STK39: variants seen among roughly 807,000 people sequenced by gnomAD.
STK39 encodes serine/threonine kinase 39, also known as STE20/SPS1-related proline-alanine-rich protein kinase.
In STK39, 20 loss-of-function variants were observed where a neutral mutation model predicts 77.8. The observed-to-expected ratio is 0.26, with a 90% CI of 0.18 to 0.37. STK39 has a LOEUF of 0.37. Among genes scored for constraint, STK39 ranks in the 10% least tolerant of loss-of-function variants. The pLI is 1.00. For synonymous variants in STK39, 246 were observed against 234.1 expected, an observed-to-expected ratio of 1.05 and a Z score of -0.47; for missense variants, 479 against 656.5, an observed-to-expected ratio of 0.73 and a Z score of 2.95.
At chr2:168,233,300 A>C (rs934342430) in intron 1 of STK39, among the ~76,000 whole-genome samples, 3 of 152,232 alleles carry the variant, frequency 2.0e-5, no homozygotes, top group Admixed American at 6.5e-5. Flanking sequence ...GGGCATATAC[A>C]AGGAAAAATT....
At chr2:167,999,501 G>GCCCA (rs1683937168) in intron 16 of STK39, among the ~76,000 whole-genome samples, 1 of 151,954 alleles carries the variant, frequency 6.6e-6, no homozygotes, top group Admixed American at 6.6e-5. Flanking sequence ...TCACTCTGTG[G>GCCCA]CCCAGGCTGG....
intron 14 of STK39, among the ~76,000 whole-genome samples, chr2:168,024,219 C>T (rs376895950): frequency 5.3e-5 from 8 of 152,186 alleles, no homozygotes; most frequent in Admixed American, 1.3e-4. Context: ...CTGCTTCACA[C>T]GAGGAGGCCG....
chr2:168,137,961 A>G, intron 8 of STK39, 127 bp downstream of exon 8: 2 of 1,308,162 alleles, frequency 1.5e-6, no homozygotes, highest in Non-Finnish European at 1.0e-6. Flanking sequence ...AAATCTGGGG[A>G]CCACAGCAGG....
Position 168,061,614 on chromosome 2 carries a change from T to C in STK39, c.1376+1886A>G, listed in dbSNP as rs146204674. On this transcript the variant is annotated intron_variant, in intron 14 of 17. Transcript: ENST00000355999. ...GCCACAAGCTTATGAAAACAACCTATACCCACAAGAGAAAATATAACAAAG... is the reference window on the plus strand; with the variant it reads ...GCCACAAGCTTATGAAAACAACCTACACCCACAAGAGAAAATATAACAAAG... Among the ~76,000 whole-genome samples, 168 of 152,236 alleles carry C rather than the reference T, an allele frequency of 1.1e-3. 1 individual carries two copies. The highest frequency in any genetic ancestry group is 3.9e-3 in the African/African-American group (162 of 41,552).
chr2:167,978,840 T>C (rs138965502), intron 16 of STK39, among the ~76,000 whole-genome samples: 10 of 152,316 alleles, frequency 6.6e-5, no homozygotes, highest in African/African-American at 2.4e-4. Flanking sequence ...GTTTACATTT[T>C]CTAAATGCTA....
intron 17 of STK39, among the ~76,000 whole-genome samples, chr2:167,956,696 A>ACACACACT (rs776309488): frequency 2.4e-4 from 12 of 49,006 alleles, no homozygotes; most frequent in Non-Finnish European, 4.4e-4. Context: ...ACACACACAC[A>ACACACACT]CTCTCTCTCT....
intron 1 of STK39, among the ~76,000 whole-genome samples, chr2:168,228,463 T>G (rs1390037493): frequency 2.6e-5 from 4 of 152,184 alleles, no homozygotes; most frequent in Non-Finnish European, 5.9e-5. Context: ...TTTTCTACAA[T>G]GACCTTATAT....
chr2:167,974,734 G>A (rs1207321117), intron 16 of STK39, among the ~76,000 whole-genome samples: 1 of 152,158 alleles, frequency 6.6e-6, no homozygotes, highest in Non-Finnish European at 1.5e-5. Flanking sequence ...TCACAAGCAT[G>A]CAAAATGCTA....
chr2:168,209,936 T>A (rs1379401502), intron 1 of STK39, among the ~76,000 whole-genome samples: 3 of 149,230 alleles, frequency 2.0e-5, no homozygotes, highest in East Asian at 3.9e-4. Flanking sequence ...GAGGCAGAGG[T>A]TGCAATGAGC....
At chr2:168,050,565 C>G (rs1685368368) in intron 14 of STK39, among the ~76,000 whole-genome samples, 1 of 152,136 alleles carries the variant, frequency 6.6e-6, no homozygotes, top group South Asian at 2.1e-4. Context: ...CTTGTGTTAA[C>G]AGAAGCAAGG....
chr2:168,041,234 A>G (rs1157802406), intron 14 of STK39, among the ~76,000 whole-genome samples: 2 of 151,404 alleles, frequency 1.3e-5, no homozygotes, highest in South Asian at 2.1e-4. Flanking sequence ...TCCAACTCCT[A>G]AAGTCCAACT....
At chr2:167,970,531 C>T (rs1215523848) in intron 16 of STK39, among the ~76,000 whole-genome samples, 1 of 152,222 alleles carries the variant, frequency 6.6e-6, no homozygotes, top group African/African-American at 2.4e-5. Context: ...CAAATTGAGA[C>T]TCTCTGAAAG....
intron 16 of STK39, among the ~76,000 whole-genome samples, chr2:167,990,194 G>A (rs1683665159): frequency 1.3e-5 from 2 of 152,152 alleles, no homozygotes; most frequent in East Asian, 3.8e-4. Flanking sequence ...AAAAAGAAGA[G>A]CAGAAAAGCC....
intron 14 of STK39, among the ~76,000 whole-genome samples, chr2:168,032,767 G>C (rs539322920): frequency 6.6e-6 from 1 of 152,336 alleles, no homozygotes; most frequent in East Asian, 1.9e-4. Context: ...TGCGACTGGA[G>C]AGAGGAAAGA....
Position 168,247,574 on chromosome 2 carries a change from G to GCCGT in STK39, c.-140_-139insACGG. 1.5e-6 allele frequency: 1 copy of GCCGT among 649,332 alleles called. No homozygotes were observed. Among genetic ancestry groups the GCCGT allele is most frequent in the Non-Finnish European group, 2.0e-6 (1 of 496,608 alleles). 40.2% of individuals were successfully genotyped at this position (649,332 alleles called of 1,614,324 possible). On this transcript the variant is annotated 5_prime_UTR_variant, in exon 1 of 18. Coordinates refer to ENST00000355999, the MANE Select transcript of STK39 (RefSeq NM_013233.3). ...CGCCGCCGCCGCCGTCCCCGCCGAA[G>GCCGT]CCAGCTAGGAGGGGAGGGAGCAAGG...
intron 14 of STK39, among the ~76,000 whole-genome samples, chr2:168,024,205 A>G (rs1019196175): frequency 6.6e-6 from 1 of 152,218 alleles, no homozygotes. Flanking sequence ...CTGGGCAGAT[A>G]CTTCTGCTTC....
chr2:168,018,552 A>AAG (rs1684484665), intron 14 of STK39, among the ~76,000 whole-genome samples: 1 of 143,948 alleles, frequency 6.9e-6, no homozygotes, highest in Non-Finnish European at 1.5e-5. Flanking sequence ...GAAAGAAAGA[A>AAG]AGAAAGAAAG....
intron 10 of STK39, among the ~76,000 whole-genome samples, chr2:168,092,669 C>G (rs1436265920): frequency 6.6e-6 from 1 of 152,228 alleles, no homozygotes; most frequent in Non-Finnish European, 1.5e-5. Flanking sequence ...CCAGGTCACA[C>G]TGCAGGACCT....
intron 10 of STK39, among the ~76,000 whole-genome samples, chr2:168,096,515 T>G (rs1031245160): frequency 1.3e-5 from 2 of 152,220 alleles, no homozygotes; most frequent in African/African-American, 2.4e-5. Context: ...AATTCTACCC[T>G]GGAAAAACAA....
Sources: gnomAD v4.1 joint callset for allele counts (sites outside exome capture counted in the v4.1 genomes callset) on GRCh38, gnomAD v4.1.1 for gene constraint, MANE v1.5 for transcripts, NCBI Gene and HGNC (gene_info 2026-07-23, HGNC 2026-07-21) for gene names.